Variants in LRRC69 observed in about 807,000 individuals in gnomAD.
The protein encoded by LRRC69 is leucine rich repeat containing 69, also known as leucine-rich repeat-containing protein 69.
In LRRC69, 42 loss-of-function variants were observed where a neutral mutation model predicts 37.8. That is an observed-to-expected ratio of 1.11 (90% CI 0.87 to 1.44). The LOEUF is 1.44. Among genes scored for constraint, LRRC69 ranks in the 40% most tolerant of loss-of-function variants. The probability of loss-of-function intolerance (pLI) is 0.00; values close to 1 mark genes in which losing one functional copy is unlikely to be tolerated. For synonymous variants in LRRC69, 141 were observed against 143.1 expected, an observed-to-expected ratio of 0.99 and a Z score of 0.11; for missense variants, 357 against 401.9, an observed-to-expected ratio of 0.89 and a Z score of 0.96.
intron 5 of LRRC69, among the ~76,000 whole-genome samples, chr8:91,154,402 C>T (rs1485637180): frequency 6.6e-6 from 1 of 151,662 alleles, no homozygotes; most frequent in African/African-American, 2.4e-5. Context: ...ATTCTGATAC[C>T]AAAGCCTGGC....
intron 1 of LRRC69, among the ~76,000 whole-genome samples, chr8:91,120,736 A>G (rs1272984468): frequency 1.3e-5 from 2 of 152,086 alleles, no homozygotes; most frequent in African/African-American, 4.8e-5. Flanking sequence ...GGTGTACCAG[A>G]TGCTTTAAGT....
At chr8:91,133,331 G>T in intron 4 of LRRC69, 26 bp downstream of exon 4, 1 of 1,465,464 alleles carries the variant, frequency 6.8e-7, no homozygotes. Context: ...AACCACAGTA[G>T]TTTGCTGTTG....
intron 7 of LRRC69, among the ~76,000 whole-genome samples, chr8:91,210,419 A>G (rs1393510080): frequency 6.6e-6 from 1 of 152,092 alleles, no homozygotes; most frequent in East Asian, 1.9e-4. Context: ...CTATCTTTGT[A>G]TATTTGAAAC....
intron 5 of LRRC69, among the ~76,000 whole-genome samples, chr8:91,137,385 G>C (rs867003248): frequency 6.6e-6 from 1 of 151,950 alleles, no homozygotes; most frequent in Admixed American, 6.6e-5. Flanking sequence ...TTCATTTCAA[G>C]TCTTTCTTGC....
In LRRC69 at chr8:91,143,415, AT is replaced by A. The variant is rs1808564256; in HGVS notation, c.651+7678del. On this transcript the variant is annotated intron_variant, in intron 5 of 7. Transcript: ENST00000448384. Reference sequence around the variant, plus strand: ...AAGAAATGTGCTTAAAAAGATGTAAATTATACCCAATGCTACATTTTCCACA... The same window carrying A: ...AAGAAATGTGCTTAAAAAGATGTAAATATACCCAATGCTACATTTTCCACA... Among the ~76,000 whole-genome samples the A allele has an allele frequency of 2.0e-5, 3 of 152,070 alleles. No homozygotes were observed. The South Asian group carries it at 6.2e-4, about 32-fold the overall frequency.
intron 5 of LRRC69, among the ~76,000 whole-genome samples, chr8:91,175,513 T>C (rs1158516279): frequency 2.6e-5 from 4 of 152,108 alleles, no homozygotes; most frequent in Non-Finnish European, 5.9e-5. Flanking sequence ...GAAGAGTGTA[T>C]GATTAGGCCA....
Position 91,124,631 on chromosome 8 carries a change from A to G in LRRC69, c.310+12A>G, listed in dbSNP as rs902959785. 225 of 1,520,792 alleles carry G rather than the reference A, an allele frequency of 1.5e-4. 1 individual carries two copies. Among genetic ancestry groups the G allele is most frequent in the Admixed American group, 2.8e-4 (12 of 42,764 alleles). 94.2% of individuals were successfully genotyped at this position (1,520,792 alleles called of 1,614,324 possible). On this transcript the variant is annotated intron_variant, in intron 2 of 7. Coordinates refer to ENST00000448384, the Ensembl canonical transcript of LRRC69. Reference sequence around the variant, plus strand: ...ACCTGGAGCCTGTGGTAATTTAATCAACAAGGAACAACATTATAGCATCAA... The same window carrying G: ...ACCTGGAGCCTGTGGTAATTTAATCGACAAGGAACAACATTATAGCATCAA...
chr8:91,145,041 G>T (rs1808594516), intron 5 of LRRC69, among the ~76,000 whole-genome samples: 1 of 151,876 alleles, frequency 6.6e-6, no homozygotes, highest in Non-Finnish European at 1.5e-5. Context: ...CTGTGAAATT[G>T]ATTGAACACT....
intron 6 of LRRC69, among the ~76,000 whole-genome samples, chr8:91,196,115 G>T (rs1586279984): frequency 6.6e-6 from 1 of 151,450 alleles, no homozygotes; most frequent in African/African-American, 2.4e-5. Flanking sequence ...GCTTAGTTTG[G>T]CTGGATATGA....
At chr8:91,154,073 A>C (rs1007688941) in intron 5 of LRRC69, among the ~76,000 whole-genome samples, 3 of 151,836 alleles carry the variant, frequency 2.0e-5, no homozygotes, top group African/African-American at 4.8e-5. Flanking sequence ...ACCATCAGAG[A>C]ATACTATAAA....
chr8:91,207,710 AT>A (rs1170884536), intron 7 of LRRC69, among the ~76,000 whole-genome samples: 1 of 152,260 alleles, frequency 6.6e-6, no homozygotes, highest in Non-Finnish European at 1.5e-5. Flanking sequence ...GCAAATATAA[AT>A]TGCACAATGT....
At chr8:91,169,779 T>C (rs1809094625) in intron 5 of LRRC69, among the ~76,000 whole-genome samples, 1 of 139,158 alleles carries the variant, frequency 7.2e-6, no homozygotes, top group Admixed American at 7.1e-5. Flanking sequence ...CAGTGTTTGG[T>C]TTTTTGTTCT....
At chr8:91,205,981 G>T (rs1022749658) in intron 7 of LRRC69, among the ~76,000 whole-genome samples, 4 of 152,166 alleles carry the variant, frequency 2.6e-5, no homozygotes, top group Admixed American at 2.6e-4. Flanking sequence ...AGTCTTCATG[G>T]CATTTAGCAA....
chr8:91,211,684 C>T (rs1809927875), intron 7 of LRRC69, among the ~76,000 whole-genome samples: 1 of 147,400 alleles, frequency 6.8e-6, no homozygotes, highest in Admixed American at 6.8e-5. Flanking sequence ...TGTTAATTAT[C>T]TCTTCAGAAA....
At chr8:91,209,822 T>C (rs1440968555) in intron 7 of LRRC69, among the ~76,000 whole-genome samples, 1 of 152,186 alleles carries the variant, frequency 6.6e-6, no homozygotes, top group Non-Finnish European at 1.5e-5. Flanking sequence ...AGAGGAGATA[T>C]GAAAGGTTTT....
At chr8:91,157,650 T>A in intron 5 of LRRC69, 1 of 1,582,570 alleles carries the variant, frequency 6.3e-7, no homozygotes, top group Non-Finnish European at 8.7e-7. Context: ...TGCACTGGAC[T>A]TTTAATGTTG....
At chr8:91,158,353 A>G in intron 5 of LRRC69, 1 of 1,448,282 alleles carries the variant, frequency 6.9e-7, no homozygotes, top group Non-Finnish European at 9.7e-7. Flanking sequence ...ATGAGAATGA[A>G]TCTTGGTATT....
At chr8:91,183,071 A>C (rs1358328022) in intron 5 of LRRC69, among the ~76,000 whole-genome samples, 1 of 152,144 alleles carries the variant, frequency 6.6e-6, no homozygotes, top group Non-Finnish European at 1.5e-5. Flanking sequence ...GGGAACATGA[A>C]TGTTCAGAAA....
chr8:91,171,200 T>TAAGG (rs1267006832), intron 5 of LRRC69, among the ~76,000 whole-genome samples: 7 of 152,058 alleles, frequency 4.6e-5, no homozygotes, highest in Non-Finnish European at 7.3e-5. Flanking sequence ...ATCGTGTTTC[T>TAAGG]CAACCATTTT....
Sources: allele counts gnomAD v4.1 joint callset (sites outside exome capture counted in the v4.1 genomes callset), GRCh38; gene constraint gnomAD v4.1.1; transcripts MANE v1.5; gene names NCBI Gene and HGNC (gene_info 2026-07-23, HGNC 2026-07-21).